The following BCAS1 variants were observed in gnomAD, a reference collection of about 807,000 sequenced individuals.
BCAS1 encodes the protein breast carcinoma-amplified sequence 1.
BCAS1 carries 46 observed loss-of-function variants against 65.4 expected under a neutral mutation model. The ratio of observed to expected loss-of-function variants is 0.70; its 90% CI spans 0.55 to 0.90. BCAS1 has a LOEUF of 0.90. Ranked by LOEUF, BCAS1 falls within the 40% of genes least tolerant of loss-of-function variation. The pLI is 0.00. For synonymous variants in BCAS1, 298 were observed against 293.5 expected (o/e 1.02, Z -0.16); for missense variants, 793 against 771.2 (o/e 1.03, Z -0.33).
chr20:53,987,864 G>A (rs996297386), intron 7 of BCAS1, among the ~76,000 whole-genome samples: 8 of 152,098 alleles, frequency 5.3e-5, no homozygotes, highest in African/African-American at 1.4e-4. Flanking sequence ...AGTTTTCCAC[G>A]CACAGGGAAC....
chr20:54,005,339 T>G (rs189213630), intron 4 of BCAS1, among the ~76,000 whole-genome samples: 7 of 43,818 alleles, frequency 1.6e-4, no homozygotes. Context: ...AAAACAGAAA[T>G]TAGCCAGGCA....
At chr20:54,046,040 C>G (rs918676380) in intron 3 of BCAS1, among the ~76,000 whole-genome samples, 2 of 152,090 alleles carry the variant, frequency 1.3e-5, no homozygotes, top group East Asian at 3.8e-4. Flanking sequence ...TTCACCAAAA[C>G]AACAATAACA....
intron 7 of BCAS1, among the ~76,000 whole-genome samples, chr20:53,990,112 T>G (rs2090717945): frequency 6.6e-6 from 1 of 152,188 alleles, no homozygotes; most frequent in Non-Finnish European, 1.5e-5. Context: ...ATGTAAACAC[T>G]ACACCAAGAA....
intron 8 of BCAS1, among the ~76,000 whole-genome samples, chr20:53,975,730 G>A (rs73914443): frequency 0.077 from 11,721 of 152,096 alleles, 1,475 homozygotes; most frequent in African/African-American, 0.27. Context: ...CTGTAGGTAA[G>A]CAATGTACTT....
chr20:53,997,960 C>G (rs2090961789), intron 4 of BCAS1, among the ~76,000 whole-genome samples: 2 of 152,204 alleles, frequency 1.3e-5, no homozygotes, highest in Non-Finnish European at 2.9e-5. Flanking sequence ...CTTCTCCACA[C>G]CATCTCCCTG....
intron 4 of BCAS1, among the ~76,000 whole-genome samples, chr20:54,020,567 G>A (rs923752199): frequency 2.0e-5 from 3 of 152,190 alleles, no homozygotes; most frequent in African/African-American, 4.8e-5. Context: ...GAACCATGAC[G>A]TGTACCACCC....
intron 1 of BCAS1, among the ~76,000 whole-genome samples, chr20:54,060,031 C>A (rs1030434557): frequency 6.6e-6 from 1 of 152,278 alleles, no homozygotes; most frequent in East Asian, 1.9e-4. Context: ...AACATAGGAA[C>A]AATAAATCCA....
chr20:54,006,689 G>A (rs1227307612), intron 4 of BCAS1, among the ~76,000 whole-genome samples: 1 of 146,368 alleles, frequency 6.8e-6, no homozygotes, highest in Non-Finnish European at 1.5e-5. Context: ...CAGCCTGGGC[G>A]ACAGAGTGAG....
chr20:53,982,917 C>T (rs528585490), intron 8 of BCAS1, among the ~76,000 whole-genome samples: 6 of 152,144 alleles, frequency 3.9e-5, no homozygotes, highest in South Asian at 2.1e-4. Flanking sequence ...AAAACTTTGA[C>T]GAAGAGCCTT....
At chr20:54,005,680 T>C (rs1234934123) in intron 4 of BCAS1, among the ~76,000 whole-genome samples, 4 of 152,052 alleles carry the variant, frequency 2.6e-5, no homozygotes, top group Non-Finnish European at 5.9e-5. Flanking sequence ...GTGATTCCAG[T>C]GTGCACCAAG....
intron 4 of BCAS1, among the ~76,000 whole-genome samples, chr20:54,010,407 A>G (rs2091294154): frequency 6.6e-6 from 1 of 152,324 alleles, no homozygotes; most frequent in Middle Eastern, 3.4e-3. Flanking sequence ...GCTGAAGAAT[A>G]CAAGATAAAC....
rs2090935967 is a variant in BCAS1 at position 53,997,075 on chromosome 20, T to C, written c.724-1025A>G. Among the ~76,000 whole-genome samples the C allele has an allele frequency of 1.3e-5, 2 of 152,220 alleles. 1 individual carries two copies. The highest frequency in any genetic ancestry group is 4.1e-4 in the South Asian group (2 of 4,838). On this transcript the variant is annotated intron_variant, in intron 4 of 12. Coordinates refer to ENST00000688948, the MANE Select transcript of BCAS1 (RefSeq NM_001366298.2). The stretch of plus-strand genomic sequence containing the variant: ...TGGAGAGATTGTCCCTAAACATTCA[T>C]CTAAGGCTGTCCTCCCACCACTGTC...
At chr20:53,966,468 G>A (rs1427278649) in intron 10 of BCAS1, among the ~76,000 whole-genome samples, 1 of 152,146 alleles carries the variant, frequency 6.6e-6, no homozygotes, top group Non-Finnish European at 1.5e-5. Flanking sequence ...TGGACTTTGG[G>A]GACTCAGGGG....
At chr20:54,026,632 A>G (rs1262056128) in intron 4 of BCAS1, among the ~76,000 whole-genome samples, 1 of 152,276 alleles carries the variant, frequency 6.6e-6, no homozygotes, top group Non-Finnish European at 1.5e-5. Context: ...CATGACTGTT[A>G]AAAAATCACA....
intron 2 of BCAS1, among the ~76,000 whole-genome samples, chr20:54,058,407 C>G (rs750046): frequency 6.6e-6 from 1 of 152,068 alleles, no homozygotes; most frequent in Non-Finnish European, 1.5e-5. Context: ...ACAGGAAGCT[C>G]TGACCCGTCG....
At chr20:53,992,699 T>G in intron 6 of BCAS1, 53 bp from the exon 7 acceptor site, 1 of 1,358,076 alleles carries the variant, frequency 7.4e-7, no homozygotes, top group South Asian at 1.2e-5. Context: ...AACAAAATTC[T>G]TTTTGTTTTC....
chr20:53,964,158 T>C lies in BCAS1; in HGVS notation c.1485+2748A>G, dbSNP rs959114726. ...TCCATCCATTGAGCAATGGTTAACC[T>C]GAGTATGATAAATCCAGACAATATG... On this transcript the variant is annotated intron_variant, in intron 10 of 12. Transcript: ENST00000688948. Among the ~76,000 whole-genome samples the C allele has an allele frequency of 4.6e-5, 7 of 152,332 alleles. No individual in the cohort carries two copies. The East Asian group carries it at 1.3e-3, about 29-fold the overall frequency.
At chr20:54,042,291 T>C (rs987090729) in intron 3 of BCAS1, among the ~76,000 whole-genome samples, 1 of 151,706 alleles carries the variant, frequency 6.6e-6, no homozygotes, top group Admixed American at 6.6e-5. Flanking sequence ...AACTAGTGGG[T>C]ACTAGGCTTA....
Position 54,028,412 on chromosome 20 carries a change from C to G in BCAS1, c.703G>C (p.Asp235His). Reference sequence around the variant, plus strand: ...CTTACCTTCCCTGCAGGGACATCATCGGACTGCCCTGATAAGCCAGGAACC... The same window carrying G: ...CTTACCTTCCCTGCAGGGACATCATGGGACTGCCCTGATAAGCCAGGAACC... ...DEVPGLSGQS[D>H]DVPAGKDIVD... The change falls in exon 4 of 13, where the codon GAT becomes CAT. Residue 235 changes from aspartate (D) to histidine (H), a missense_variant. Transcript: ENST00000688948. The G allele has an allele frequency of 1.9e-6, 3 of 1,614,220 alleles. No homozygotes were observed. Among genetic ancestry groups the G allele is most frequent in the Non-Finnish European group, 1.7e-6 (2 of 1,180,020 alleles).
Sources: allele counts gnomAD v4.1 joint callset (sites outside exome capture counted in the v4.1 genomes callset), GRCh38; gene constraint gnomAD v4.1.1; transcripts MANE v1.5; gene names NCBI Gene and HGNC (gene_info 2026-07-23, HGNC 2026-07-21).